Variants in R3HDM1 observed in about 807,000 individuals in gnomAD.
R3HDM1 encodes the protein R3H domain containing 1.
In R3HDM1, 46 loss-of-function variants were observed where a neutral mutation model predicts 141.1. The observed-to-expected ratio is 0.33, with a 90% CI of 0.26 to 0.42. The LOEUF is 0.42. R3HDM1 is among the 10% of genes least tolerant of loss of function. The probability of loss-of-function intolerance (pLI) is 1.00; values close to 1 mark genes in which losing one functional copy is unlikely to be tolerated. For synonymous variants in R3HDM1, 435 were observed against 472.9 expected, an observed-to-expected ratio of 0.92 and a Z score of 1.04; for missense variants, 1,184 against 1,368.3, an observed-to-expected ratio of 0.87 and a Z score of 2.12.
intron 2 of R3HDM1, among the ~76,000 whole-genome samples, chr2:135,604,384 G>C (rs189299041): frequency 6.6e-6 from 1 of 151,884 alleles, no homozygotes; most frequent in Non-Finnish European, 1.5e-5. Context: ...GATCTGGCTC[G>C]GTCCTTAATG....
At chr2:135,591,132 T>C (rs72988444) in intron 1 of R3HDM1, among the ~76,000 whole-genome samples, 11,719 of 152,248 alleles carry the variant, frequency 0.077, 1,496 homozygotes, top group African/African-American at 0.27. Flanking sequence ...TGCTAGAGAA[T>C]GTGAAGTTTC....
At chr2:135,713,607 A>T (rs891880864) in intron 23 of R3HDM1, among the ~76,000 whole-genome samples, 7 of 152,224 alleles carry the variant, frequency 4.6e-5, no homozygotes, top group African/African-American at 1.7e-4. Flanking sequence ...TTACTGTGCC[A>T]TTTAGGAAAA....
At chr2:135,552,026 A>C (rs1411057254) in intron 1 of R3HDM1, among the ~76,000 whole-genome samples, 1 of 152,236 alleles carries the variant, frequency 6.6e-6, no homozygotes, top group Admixed American at 6.5e-5. Context: ...CATATAAATG[A>C]AAAATAATTT....
intron 19 of R3HDM1, among the ~76,000 whole-genome samples, chr2:135,668,276 G>T (rs1194773075): frequency 6.6e-6 from 1 of 152,088 alleles, no homozygotes; most frequent in Admixed American, 6.5e-5. Context: ...TGCCTGTTGA[G>T]TACTTTTCTG....
intron 1 of R3HDM1, among the ~76,000 whole-genome samples, chr2:135,575,412 C>T (rs1472100304): frequency 6.6e-6 from 1 of 152,160 alleles, no homozygotes; most frequent in Non-Finnish European, 1.5e-5. Flanking sequence ...GAACTCCTGA[C>T]CTCAGGTGAT....
chr2:135,611,819 G>A (rs2060576703), intron 3 of R3HDM1, among the ~76,000 whole-genome samples: 1 of 152,114 alleles, frequency 6.6e-6, no homozygotes. Flanking sequence ...TTTTCACGGT[G>A]CTTTCTTGTG....
chr2:135,667,277 A>T, intron 19 of R3HDM1: 1 of 894,978 alleles, frequency 1.1e-6, no homozygotes, highest in Non-Finnish European at 1.3e-6. Flanking sequence ...CCATCAGTTT[A>T]TATTGTCCTA....
chr2:135,652,136 A>G, intron 18 of R3HDM1, 104 bp downstream of exon 18: 1 of 1,439,172 alleles, frequency 6.9e-7, no homozygotes, highest in Non-Finnish European at 9.1e-7. Context: ...AGAATTTGTG[A>G]GAGTATATAA....
At chr2:135,576,253 CT>C (rs1482696313) in intron 1 of R3HDM1, among the ~76,000 whole-genome samples, 1 of 151,988 alleles carries the variant, frequency 6.6e-6, no homozygotes, top group Admixed American at 6.6e-5. Context: ...GGCATGGTGG[CT>C]TCTCAGGAGG....
intron 1 of R3HDM1, among the ~76,000 whole-genome samples, chr2:135,588,734 T>A (rs1708526242): frequency 6.6e-6 from 1 of 152,144 alleles, no homozygotes; most frequent in Non-Finnish European, 1.5e-5. Context: ...CATTAATTTT[T>A]AAGATTTATA....
At chr2:135,576,100 T>C (rs1705357693) in intron 1 of R3HDM1, among the ~76,000 whole-genome samples, 1 of 152,002 alleles carries the variant, frequency 6.6e-6, no homozygotes, top group South Asian at 2.1e-4. Flanking sequence ...GTGGAAATAA[T>C]AAAAATGGTA....
At chr2:135,590,777 A>G (rs1709076945) in intron 1 of R3HDM1, 7 of 959,728 alleles carry the variant, frequency 7.3e-6, no homozygotes, top group African/African-American at 1.8e-5. Flanking sequence ...ACATCCTTTT[A>G]TAGAGTATGA....
intron 19 of R3HDM1, 149 bp downstream of exon 19, chr2:135,661,542 A>G: frequency 9.7e-7 from 1 of 1,031,708 alleles, no homozygotes; most frequent in Non-Finnish European, 1.4e-6. Flanking sequence ...AGATTAAAAG[A>G]GTGAGCAAAT....
At chr2:135,601,522 G>C (rs542878037) in intron 1 of R3HDM1, among the ~76,000 whole-genome samples, 1 of 152,122 alleles carries the variant, frequency 6.6e-6, no homozygotes, top group South Asian at 2.1e-4. Context: ...GTACTATTCT[G>C]TTTATTGACA....
At chr2:135,663,053 C>A (rs2105311586) in intron 19 of R3HDM1, among the ~76,000 whole-genome samples, 1 of 151,366 alleles carries the variant, frequency 6.6e-6, no homozygotes, top group East Asian at 1.9e-4. Context: ...AAATTTTTAT[C>A]CCTGTCCATG....
At chr2:135,579,263 C>T (rs150553325) in intron 1 of R3HDM1, among the ~76,000 whole-genome samples, 5 of 152,140 alleles carry the variant, frequency 3.3e-5, no homozygotes, top group Non-Finnish European at 7.4e-5. Context: ...TCCCAATGGC[C>T]CAAAGTGGGA....
At chr2:135,688,922 C>T (rs936051202) in intron 21 of R3HDM1, among the ~76,000 whole-genome samples, 6 of 152,086 alleles carry the variant, frequency 3.9e-5, no homozygotes, top group African/African-American at 9.7e-5. Flanking sequence ...GATGACAGAG[C>T]GAGACTCCTT....
At chr2:135,688,804 C>T (rs2071825729) in intron 21 of R3HDM1, among the ~76,000 whole-genome samples, 1 of 151,926 alleles carries the variant, frequency 6.6e-6, no homozygotes, top group African/African-American at 2.4e-5. Context: ...GGTGTGGTGG[C>T]GGGCACCTGT....
chr2:135,601,990 A>G (rs1227037358), intron 1 of R3HDM1, among the ~76,000 whole-genome samples: 1 of 149,932 alleles, frequency 6.7e-6, no homozygotes, highest in African/African-American at 2.4e-5. Context: ...TTTTTTTAGA[A>G]CAGACAATGT....
Sources: allele counts gnomAD v4.1 joint callset (sites outside exome capture counted in the v4.1 genomes callset), GRCh38; gene constraint gnomAD v4.1.1; transcripts MANE v1.5; gene names NCBI Gene and HGNC (gene_info 2026-07-23, HGNC 2026-07-21).